The following MYO16 variants were observed in gnomAD, a reference collection of about 807,000 sequenced individuals.
The protein encoded by MYO16 is unconventional myosin-XVI.
In MYO16, 94 loss-of-function variants were observed where a neutral mutation model predicts 205.3. The observed-to-expected ratio is 0.46, with a 90% confidence interval of 0.39 to 0.54. MYO16 has a LOEUF of 0.54. Among genes scored for constraint, MYO16 ranks in the 20% least tolerant of loss-of-function variants. The probability of loss-of-function intolerance (pLI) is 0.00; values close to 1 mark genes in which losing one functional copy is unlikely to be tolerated. For synonymous variants in MYO16, 988 were observed against 954.0 expected (o/e 1.04, Z -0.66); for missense variants, 2,315 against 2,387.5 (o/e 0.97, Z 0.63).
intron 9 of MYO16, among the ~76,000 whole-genome samples, chr13:108,827,218 C>T (rs375009937): frequency 1.3e-5 from 2 of 152,150 alleles, no homozygotes; most frequent in East Asian, 1.9e-4. Flanking sequence ...CCCCAGCTTC[C>T]TATTCCTTTG....
chr13:109,180,805 A>G (rs988042496), intron 34 of MYO16, among the ~76,000 whole-genome samples: 4 of 152,340 alleles, frequency 2.6e-5, no homozygotes, highest in African/African-American at 4.8e-5. Flanking sequence ...TCTTCCCTCT[A>G]TTCCTTAGAG....
chr13:108,586,240 A>T, the MYO16 span, among the ~76,000 whole-genome samples: 1 of 152,182 alleles, frequency 6.6e-6, no homozygotes, highest in Non-Finnish European at 1.5e-5. Context: ...AAATACACAG[A>T]TTTTAGCTGA....
intron 27 of MYO16, among the ~76,000 whole-genome samples, chr13:109,072,574 A>AACACACACAC (rs66755145): frequency 3.4e-5 from 5 of 149,114 alleles, no homozygotes; most frequent in African/African-American, 1.2e-4. Flanking sequence ...TGTGGCATTA[A>AACACACACAC]ACACACACAC....
At chr13:108,672,278 A>G (rs948461332) in intron 2 of MYO16, among the ~76,000 whole-genome samples, 2 of 152,218 alleles carry the variant, frequency 1.3e-5, no homozygotes, top group Non-Finnish European at 2.9e-5. Context: ...AAGCTATTGA[A>G]ATAGTCAAAT....
chr13:108,935,494 T>C (rs1321346083), intron 16 of MYO16, among the ~76,000 whole-genome samples: 2 of 152,182 alleles, frequency 1.3e-5, no homozygotes, highest in Non-Finnish European at 2.9e-5. Context: ...AAGTCTATCA[T>C]TTATCAGCTT....
chr13:108,843,874 CAT>C (rs1231023003), intron 9 of MYO16, among the ~76,000 whole-genome samples: 1 of 151,998 alleles, frequency 6.6e-6, no homozygotes, highest in Non-Finnish European at 1.5e-5. Context: ...TTTTAATTCT[CAT>C]ATTATTATTC....
chr13:108,955,668 T>C (rs1381940224), intron 16 of MYO16, among the ~76,000 whole-genome samples: 1 of 152,114 alleles, frequency 6.6e-6, no homozygotes, highest in Non-Finnish European at 1.5e-5. Context: ...CTGGCCAAGA[T>C]GGTGAAAACT....
intron 20 of MYO16, among the ~76,000 whole-genome samples, chr13:108,974,909 C>G (rs1884195896): frequency 6.6e-6 from 1 of 152,164 alleles, no homozygotes; most frequent in African/African-American, 2.4e-5. Flanking sequence ...TTCAGCTGCA[C>G]TGTAGGCAAG....
At chr13:109,180,234 T>C (rs1879399390) in intron 34 of MYO16, among the ~76,000 whole-genome samples, 1 of 152,144 alleles carries the variant, frequency 6.6e-6, no homozygotes, top group Non-Finnish European at 1.5e-5. Context: ...ATAAACAAGA[T>C]TATCACTTCA....
chr13:109,126,882 CT>C (rs1312437203), intron 30 of MYO16, among the ~76,000 whole-genome samples: 1 of 152,152 alleles, frequency 6.6e-6, no homozygotes, highest in Non-Finnish European at 1.5e-5. Context: ...CAGTAACTCT[CT>C]ATTAAGATGG....
intron 28 of MYO16, among the ~76,000 whole-genome samples, chr13:109,116,407 G>C (rs1050965117): frequency 6.6e-6 from 1 of 152,070 alleles, no homozygotes; most frequent in African/African-American, 2.4e-5. Flanking sequence ...GCGCATGTCT[G>C]CCTTCCTCTC....
chr13:108,974,373 T>C (rs929607123), intron 20 of MYO16, among the ~76,000 whole-genome samples: 8 of 152,040 alleles, frequency 5.3e-5, no homozygotes, highest in African/African-American at 1.9e-4. Flanking sequence ...GGGAATTCAG[T>C]GAATACCATA....
intron 34 of MYO16, among the ~76,000 whole-genome samples, chr13:109,183,130 A>G (rs970294978): frequency 2.6e-5 from 4 of 152,168 alleles, no homozygotes; most frequent in African/African-American, 9.7e-5. Context: ...TCTACTTACC[A>G]TTTTATGAGA....
chr13:108,713,599 G>T (rs987037661), intron 3 of MYO16, among the ~76,000 whole-genome samples: 1 of 152,160 alleles, frequency 6.6e-6, no homozygotes, highest in South Asian at 2.1e-4. Context: ...TAGCTTGACC[G>T]CTGGGAGTTG....
At chr13:108,897,558 TA>T (rs1205848810) in intron 14 of MYO16, among the ~76,000 whole-genome samples, 2 of 152,134 alleles carry the variant, frequency 1.3e-5, no homozygotes, top group African/African-American at 4.8e-5. Flanking sequence ...GGAAAGTAAA[TA>T]AGGATTCAAA....
At chr13:109,001,353 T>C (rs999751354) in intron 21 of MYO16, among the ~76,000 whole-genome samples, 28 of 152,126 alleles carry the variant, frequency 1.8e-4, no homozygotes, top group African/African-American at 6.8e-4. Flanking sequence ...TGTGGGGCTC[T>C]GGTAAGGAAA....
At chr13:109,009,687 T>C (rs934723248) in intron 22 of MYO16, among the ~76,000 whole-genome samples, 2 of 152,232 alleles carry the variant, frequency 1.3e-5, no homozygotes, top group African/African-American at 4.8e-5. Flanking sequence ...TACATGGACA[T>C]TGTTGAAAAC....
intron 1 of MYO16, among the ~76,000 whole-genome samples, chr13:108,657,286 A>G (rs1246528770): frequency 6.6e-6 from 1 of 152,160 alleles, no homozygotes; most frequent in Non-Finnish European, 1.5e-5. Flanking sequence ...GTTCTGTTCC[A>G]CTGGTCTAAG....
At chr13:108,919,836 C>T (rs1343018645) in intron 16 of MYO16, among the ~76,000 whole-genome samples, 2 of 152,164 alleles carry the variant, frequency 1.3e-5, no homozygotes, top group Non-Finnish European at 2.9e-5. Context: ...CTCATGTGCT[C>T]ATAAAAAACA....
Sources: gnomAD v4.1 joint callset for allele counts (sites outside exome capture counted in the v4.1 genomes callset) on GRCh38, gnomAD v4.1.1 for gene constraint, MANE v1.5 for transcripts, NCBI Gene and HGNC (gene_info 2026-07-23, HGNC 2026-07-21) for gene names.